Variants in DIP2C observed in about 807,000 individuals in gnomAD.
DIP2C encodes the protein disco-interacting protein 2 homolog C.
In DIP2C, 33 loss-of-function variants were observed where a neutral mutation model predicts 192.4. That is an observed-to-expected ratio of 0.17 (90% CI 0.13 to 0.23). The LOEUF (loss-of-function observed/expected upper bound fraction) is 0.23. Among genes scored for constraint, DIP2C ranks in the 10% least tolerant of loss-of-function variants. The pLI, the probability that DIP2C is intolerant of heterozygous loss-of-function variation, is 1.00. For missense variants in DIP2C, 1,537 were observed against 2,110.1 expected, an observed-to-expected ratio of 0.73 and a Z score of 5.32; for synonymous variants, 979 against 864.1, an observed-to-expected ratio of 1.13 and a Z score of -2.33.
chr10:543,464 A>G lies in DIP2C; in HGVS notation c.86-56934T>C, dbSNP rs74683704. ...ACCACATCTCTTACTGCACCACTAA[A>G]GACCATCTGGGTAAGAGGAAAGTGC... On this transcript the variant is annotated intron_variant, in intron 1 of 36. Coordinates refer to ENST00000280886, the MANE Select transcript of DIP2C (RefSeq NM_014974.3). 2.0e-3 allele frequency among the ~76,000 whole-genome samples: 299 copies of G among 152,350 alleles called. 1 individual carries two copies. The highest frequency in any genetic ancestry group is 0.01 in the Middle Eastern group (3 of 294).
intron 36 of DIP2C, among the ~76,000 whole-genome samples, chr10:279,187 G>C (rs1053819757): frequency 2.0e-5 from 3 of 152,220 alleles, no homozygotes; most frequent in Non-Finnish European, 4.4e-5. Context: ...CCCAGAGGAC[G>C]TGCTGGCGCT....
intron 32 of DIP2C, among the ~76,000 whole-genome samples, chr10:293,933 A>G (rs1441425201): frequency 6.6e-6 from 1 of 152,232 alleles, no homozygotes; most frequent in African/African-American, 2.4e-5. Context: ...GTCCAGAAAC[A>G]GATACCAATC....
In DIP2C at chr10:513,704, CAT is replaced by C. The variant is rs752013206; in HGVS notation, c.86-27176_86-27175del. Among the ~76,000 whole-genome samples the C allele has an allele frequency of 1.1e-3, 167 of 152,154 alleles. 1 individual carries two copies. The highest frequency in any genetic ancestry group is 2.2e-3 in the Non-Finnish European group (147 of 68,042). ...ACCCCCACCCCATGTCCAGCCTGCACATGTTTAAACATTCATCAAAGTAAAAC... is the reference window on the plus strand; with the variant it reads ...ACCCCCACCCCATGTCCAGCCTGCACGTTTAAACATTCATCAAAGTAAAAC... On this transcript the variant is annotated intron_variant, in intron 1 of 36. Transcript: ENST00000280886.
Position 415,788 on chromosome 10 carries a change from G to A in DIP2C, c.840C>T (p.Asp280=). The A allele has an allele frequency of 6.2e-7, 1 of 1,614,024 alleles. No homozygotes were observed. The highest frequency in any genetic ancestry group is 8.5e-7 in the Non-Finnish European group (1 of 1,180,002). ...RPPLREFFVD[D]FEELLEVQQP... The stretch of plus-strand genomic sequence containing the variant: ...TCTCACCTTCTAATAATTCTTCAAA[G>A]TCATCGACAAAGAATTCTCGTAAAG... Residue 280 remains aspartate (D), a synonymous_variant, in exon 7 of 37, where the codon GAC becomes GAT. Transcript: ENST00000280886.
At chr10:488,902 C>A (rs1197100783) in intron 1 of DIP2C, among the ~76,000 whole-genome samples, 1 of 152,202 alleles carries the variant, frequency 6.6e-6, no homozygotes, top group Non-Finnish European at 1.5e-5. Flanking sequence ...ACATGTACCA[C>A]ACACACAGAC....
intron 4 of DIP2C, among the ~76,000 whole-genome samples, chr10:433,694 T>TA (rs1966947961): frequency 1.3e-5 from 2 of 151,820 alleles, no homozygotes; most frequent in African/African-American, 2.4e-5. Context: ...AAAAATAAAA[T>TA]AAATAAATTA....
At chr10:333,552 C>T (rs1023814027) in intron 29 of DIP2C, among the ~76,000 whole-genome samples, 2 of 152,236 alleles carry the variant, frequency 1.3e-5, no homozygotes, top group South Asian at 4.1e-4. Context: ...CACCTGCTAG[C>T]GGATACCTGG....
In DIP2C at chr10:310,107, AG is replaced by A. The variant is rs377632100; in HGVS notation, c.3925-16del. The A allele has an allele frequency of 3.6e-4, 588 of 1,613,926 alleles. 1 individual carries two copies. In the African/African-American group the frequency reaches 7.3e-3, roughly 20 times the overall value. On this transcript the variant is annotated splice_polypyrimidine_tract_variant and intron_variant, in intron 31 of 36. Transcript: ENST00000280886. ...CCTGAGGTTCCCTGCAAGCAACAAC[AG>A]AGTGGTTAACTCAAGTTTACATGGA...
intron 1 of DIP2C, among the ~76,000 whole-genome samples, chr10:581,414 T>A (rs1850649925): frequency 6.6e-6 from 1 of 152,184 alleles, no homozygotes; most frequent in Admixed American, 6.5e-5. Flanking sequence ...GGAATTTACT[T>A]AACATGTTAA....
intron 1 of DIP2C, among the ~76,000 whole-genome samples, chr10:573,091 G>A (rs973863712): frequency 6.6e-5 from 10 of 152,108 alleles, no homozygotes; most frequent in African/African-American, 1.4e-4. Flanking sequence ...TACAAAGCAC[G>A]TACATTTTAG....
At chr10:610,876 C>A (rs113238354) in intron 1 of DIP2C, among the ~76,000 whole-genome samples, 3 of 137,828 alleles carry the variant, frequency 2.2e-5, no homozygotes, top group Admixed American at 1.4e-4. Context: ...GGTTTCTAAC[C>A]CCCCAGTGTT....
In DIP2C at chr10:345,537, G is replaced by A. The variant is rs139331528; in HGVS notation, c.3232-427C>T. 2.4e-3 allele frequency among the ~76,000 whole-genome samples: 155 copies of A among 64,438 alleles called. 4 individuals are homozygous for A. Among genetic ancestry groups the A allele is most frequent in the Middle Eastern group, 6.9e-3 (1 of 144 alleles). The allele number at this position is 64,438 out of a possible 152,430, so 42.3% of individuals were successfully genotyped here. A position where few individuals can be genotyped will look rare whatever the true frequency, so the allele number is the denominator to read the frequency against. On this transcript the variant is annotated intron_variant, in intron 26 of 36. Transcript: ENST00000280886. ...CAAACACCCATCCCAGACACACCGCGCATAGTTCTCCCGGAAACCCCCCAC... is the reference window on the plus strand; with the variant it reads ...CAAACACCCATCCCAGACACACCGCACATAGTTCTCCCGGAAACCCCCCAC...
At chr10:667,350 GCA>G in intron 1 of DIP2C, 1 of 152,474 alleles carries the variant, frequency 6.6e-6, no homozygotes, top group Non-Finnish European at 1.5e-5. Context: ...CTGGGGAGGG[GCA>G]GAGGCAAACA....
intron 1 of DIP2C, among the ~76,000 whole-genome samples, chr10:567,175 T>TG (rs200513718): frequency 0.015 from 2,244 of 145,552 alleles, 57 homozygotes; most frequent in African/African-American, 0.058. Context: ...GCACCGGTTT[T>TG]GGGGGGTTTT....
chr10:577,823 GTTTTTTT>G (rs35201000), intron 1 of DIP2C, among the ~76,000 whole-genome samples: 1 of 143,882 alleles, frequency 7.0e-6, no homozygotes, highest in African/African-American at 2.5e-5. Flanking sequence ...GTTTTTTTGT[GTTTTTTT>G]TTTTTTAACC....
intron 3 of DIP2C, among the ~76,000 whole-genome samples, chr10:453,179 CA>C (rs1392909714): frequency 6.6e-6 from 1 of 152,198 alleles, no homozygotes; most frequent in Non-Finnish European, 1.5e-5. Context: ...AGCAGCTGTG[CA>C]GCATCAGAAA....
At chr10:316,242 GA>G (rs1415153215) in intron 31 of DIP2C, among the ~76,000 whole-genome samples, 1 of 152,062 alleles carries the variant, frequency 6.6e-6, no homozygotes, top group Admixed American at 6.6e-5. Context: ...AATGTTTTAT[GA>G]AAAACGAAGA....
chr10:603,599 C>T (rs1852252707), intron 1 of DIP2C, among the ~76,000 whole-genome samples: 1 of 152,162 alleles, frequency 6.6e-6, no homozygotes, highest in Non-Finnish European at 1.5e-5. Context: ...TGTTTCTGTC[C>T]AACTATCTGT....
At chr10:484,332 C>G (rs1843838422) in intron 2 of DIP2C, among the ~76,000 whole-genome samples, 1 of 152,182 alleles carries the variant, frequency 6.6e-6, no homozygotes. Context: ...TTTTCTATTT[C>G]AAAAACCCTT....
Sources: allele counts gnomAD v4.1 joint callset (sites outside exome capture counted in the v4.1 genomes callset), GRCh38; gene constraint gnomAD v4.1.1; transcripts MANE v1.5; gene names NCBI Gene and HGNC (gene_info 2026-07-23, HGNC 2026-07-21).